Variants in PDCD6IP observed in about 807,000 individuals in gnomAD.
PDCD6IP encodes programmed cell death 6 interacting protein, also known as programmed cell death 6-interacting protein.
PDCD6IP carries 43 observed loss-of-function variants against 103.7 expected under a neutral mutation model. The ratio of observed to expected loss-of-function variants is 0.41; its 90% CI spans 0.32 to 0.53. The LOEUF (loss-of-function observed/expected upper bound fraction) is 0.53. Among genes scored for constraint, PDCD6IP ranks in the 20% least tolerant of loss-of-function variants. PDCD6IP has a pLI of 0.16. For synonymous variants in PDCD6IP, 354 were observed against 378.7 expected, an observed-to-expected ratio of 0.93 and a Z score of 0.76; for missense variants, 871 against 1,036.7, an observed-to-expected ratio of 0.84 and a Z score of 2.20.
intron 15 of PDCD6IP, 160 bp downstream of exon 15, chr3:33,855,420 C>A: frequency 2.1e-6 from 1 of 465,924 alleles, no homozygotes; most frequent in Non-Finnish European, 3.9e-6. Flanking sequence ...AAGTAAACAG[C>A]TGCATAATCT....
intron 1 of PDCD6IP, among the ~76,000 whole-genome samples, chr3:33,807,530 T>C (rs1441606018): frequency 6.6e-6 from 1 of 151,060 alleles, no homozygotes; most frequent in Non-Finnish European, 1.5e-5. Context: ...AATTGGTGAC[T>C]CAGCAAATTA....
Position 33,836,275 on chromosome 3 carries a change from G to C in PDCD6IP, c.1057+9G>C. On this transcript the variant is annotated intron_variant, in intron 8 of 17. Coordinates refer to ENST00000307296, the MANE Select transcript of PDCD6IP (RefSeq NM_013374.6). ...CAGTCAGAAATTTACTGGTATGTCA[G>C]TTATTCAGACACACTTTAATCTCAT... is the stretch of plus-strand genomic sequence containing the variant. The C allele has an allele frequency of 6.8e-7, 1 of 1,473,296 alleles. No homozygotes were observed. The highest frequency in any genetic ancestry group is 9.5e-7 in the Non-Finnish European group (1 of 1,053,452). 91.3% of individuals were successfully genotyped at this position (1,473,296 alleles called of 1,614,324 possible).
intron 1 of PDCD6IP, among the ~76,000 whole-genome samples, chr3:33,803,469 T>G (rs545828301): frequency 1.9e-3 from 297 of 152,358 alleles, no homozygotes; most frequent in Non-Finnish European, 3.4e-3. Flanking sequence ...TTGCCCATTT[T>G]CTATTGAGTT....
At chr3:33,864,157 AGAGGT>A in intron 16 of PDCD6IP, 28 bp downstream of exon 16, 1 of 1,297,412 alleles carries the variant, frequency 7.7e-7, no homozygotes, top group Non-Finnish European at 1.1e-6. Context: ...TATTTTAAAC[AGAGGT>A]TTTACATTAA....
At chr3:33,855,992 C>T (rs1028368450) in intron 15 of PDCD6IP, among the ~76,000 whole-genome samples, 2 of 152,138 alleles carry the variant, frequency 1.3e-5, no homozygotes, top group African/African-American at 2.4e-5. Context: ...GGCAGACAGG[C>T]GGGCAGCTGG....
At chr3:33,854,115 C>A in intron 14 of PDCD6IP, 102 bp downstream of exon 14, 3 of 1,335,984 alleles carry the variant, frequency 2.2e-6, no homozygotes, top group Non-Finnish European at 3.0e-6. Context: ...TTGCTCTTTG[C>A]CTAGAATTTT....
intron 16 of PDCD6IP, 53 bp downstream of exon 16, chr3:33,864,182 C>A: frequency 9.6e-7 from 1 of 1,046,730 alleles, no homozygotes; most frequent in East Asian, 2.4e-5. Context: ...ACGATGATTA[C>A]TTGTTCTAAC....
chr3:33,805,495 C>T (rs187674472), intron 1 of PDCD6IP, among the ~76,000 whole-genome samples: 46 of 151,970 alleles, frequency 3.0e-4, no homozygotes, highest in African/African-American at 1.0e-3. Context: ...AGTACAGTGG[C>T]GCCACAATAG....
chr3:33,838,412 C>T (rs1294206524), intron 9 of PDCD6IP, 85 bp downstream of exon 9: 25 of 1,242,308 alleles, frequency 2.0e-5, no homozygotes, highest in Non-Finnish European at 2.8e-5. Flanking sequence ...GAGCTTAGAG[C>T]TAAATGTCAA....
intron 10 of PDCD6IP, among the ~76,000 whole-genome samples, chr3:33,843,422 T>G (rs1229819088): frequency 1.5e-5 from 2 of 137,304 alleles, no homozygotes; most frequent in Non-Finnish European, 3.2e-5. Flanking sequence ...GCTTGTGGCC[T>G]ACTTTTTTTG....
intron 9 of PDCD6IP, 128 bp downstream of exon 9, chr3:33,838,455 T>A (rs1267314469): frequency 8.6e-6 from 7 of 811,114 alleles, no homozygotes; most frequent in Non-Finnish European, 1.2e-5. Flanking sequence ...AGACACACAC[T>A]TACAACTATT....
intron 12 of PDCD6IP, among the ~76,000 whole-genome samples, chr3:33,851,327 G>T (rs1697708192): frequency 6.6e-6 from 1 of 151,920 alleles, no homozygotes; most frequent in Non-Finnish European, 1.5e-5. Context: ...TCTTAGCAAA[G>T]TATGAAGAGA....
At chr3:33,811,635 C>T (rs1264286754) in intron 1 of PDCD6IP, among the ~76,000 whole-genome samples, 1 of 152,176 alleles carries the variant, frequency 6.6e-6, no homozygotes, top group Non-Finnish European at 1.5e-5. Flanking sequence ...ACAGTGGTAG[C>T]TTTGATGTGC....
At chr3:33,818,595 T>A (rs957143468) in intron 3 of PDCD6IP, among the ~76,000 whole-genome samples, 10 of 140,426 alleles carry the variant, frequency 7.1e-5, no homozygotes, top group African/African-American at 2.7e-4. Context: ...CTCGGCTCAC[T>A]GCAACCTCCG....
rs1304169025 is a variant in PDCD6IP, at chr3:33,798,853, C to A, written c.125C>A (p.Ala42Glu). 1 of 1,553,754 alleles carries A rather than the reference C, an allele frequency of 6.4e-7. No homozygotes were observed. The highest frequency in any genetic ancestry group is 1.9e-5 in the Admixed American group (1 of 51,356). The stretch of plus-strand genomic sequence containing the variant: ...GAAGAGCAGGCCCAGTACTGCCGCG[C>A]GGCGGAGGAGCTCAGCAAGCTGCGC... ...GGEEQAQYCR[A>E]AEELSKLRRA... is the part of the protein sequence containing the mutation. Residue 42 changes from alanine (A) to glutamate (E), a missense_variant, in exon 1 of 18, where the codon GCG becomes GAG. By Grantham distance (107) the Ala-to-Glu change is moderately radical. This residue lies in a region of PDCD6IP where 114 missense variants were observed against 106.7 expected (regional missense o/e 1.07). Coordinates refer to ENST00000307296, the MANE Select transcript of PDCD6IP (RefSeq NM_013374.6).
chr3:33,800,628 T>A (rs1270294172), intron 1 of PDCD6IP, among the ~76,000 whole-genome samples: 8 of 152,198 alleles, frequency 5.3e-5, no homozygotes, highest in Non-Finnish European at 1.0e-4. Flanking sequence ...TTTTTTAAAG[T>A]TAACCTAGAA....
At position 33,798,897 on chromosome 3, in the gene PDCD6IP, C is replaced by A. The variant is rs759005984; in HGVS notation, c.169C>A (p.Pro57Thr). The A allele has an allele frequency of 6.5e-7, 1 of 1,547,122 alleles. No homozygotes were observed. The highest frequency in any genetic ancestry group is 1.2e-5 in the South Asian group (1 of 83,946). The part of the protein sequence containing the change: ...SKLRRAAVGR[P>T]LDKHEGALET... ...GCTGCGCCGCGCCGCAGTCGGTCGT[C>A]CGCTGGACAAGCACGAGGGCGCGCT... Residue 57 changes from proline to threonine, a missense_variant, in exon 1 of 18, where the codon CCG (proline) becomes ACG (threonine). By Grantham distance (38) the Pro-to-Thr change is conservative. Around this residue, in one of 5 missense-constraint regions of PDCD6IP, gnomAD observed 114 missense variants for 106.7 expected, o/e 1.07. Transcript: ENST00000307296.
intron 10 of PDCD6IP, among the ~76,000 whole-genome samples, chr3:33,843,891 T>TA (rs1553708810): frequency 2.0e-5 from 3 of 151,354 alleles, no homozygotes; most frequent in East Asian, 1.9e-4. Flanking sequence ...TTTTTTTTTT[T>TA]ACTGAGAAAG....
At chr3:33,845,309 TAG>T in intron 11 of PDCD6IP, 108 bp from the exon 12 acceptor site, 1 of 685,410 alleles carries the variant, frequency 1.5e-6, no homozygotes. Context: ...TTGGGGTCTA[TAG>T]AAGGGGAGGA....
Sources: gnomAD v4.1 joint callset for allele counts (sites outside exome capture counted in the v4.1 genomes callset) on GRCh38, gnomAD v4.1.1 for gene constraint, gnomAD v4.1.1 regional missense constraint, MANE v1.5 for transcripts, NCBI Gene and HGNC (gene_info 2026-07-23, HGNC 2026-07-21) for gene names.